NMT1: variants seen among roughly 807,000 people sequenced by gnomAD.
NMT1 encodes the protein N-myristoyltransferase 1.
A neutral mutation model predicts 63.4 loss-of-function variants in NMT1; 12 were observed. That is an observed-to-expected ratio of 0.19 (90% CI 0.12 to 0.31). The LOEUF (loss-of-function observed/expected upper bound fraction) is 0.31, where lower values mean the gene tolerates loss of function less well. NMT1 is among the 10% of genes least tolerant of loss of function. The pLI, the probability that NMT1 is intolerant of heterozygous loss-of-function variation, is 1.00. For missense variants in NMT1, 432 were observed against 634.6 expected (o/e 0.68, Z 3.43); for synonymous variants, 228 against 234.3 (o/e 0.97, Z 0.25).
At chr17:45,100,862 CAAAAAAAAAAAAAAAA>C (rs71136069) in intron 8 of NMT1, among the ~76,000 whole-genome samples, 13 of 32,604 alleles carry the variant, frequency 4.0e-4, no homozygotes, top group East Asian at 1.3e-3. Flanking sequence ...GACTCCGTCT[CAAAAAAAAAAAAAAAA>C]AAAAAAAAAA....
intron 8 of NMT1, among the ~76,000 whole-genome samples, chr17:45,101,277 C>CA (rs1343768942): frequency 1.3e-5 from 2 of 150,840 alleles, no homozygotes; most frequent in African/African-American, 4.8e-5. Context: ...CTCAGCCTCT[C>CA]AAAGTGCTGG....
At chr17:45,102,478 C>G (rs1166673076) in intron 8 of NMT1, among the ~76,000 whole-genome samples, 1 of 152,226 alleles carries the variant, frequency 6.6e-6, no homozygotes, top group Non-Finnish European at 1.5e-5. Context: ...TGGGCAGACC[C>G]TGGCTGGGCC....
rs998731903 is a variant in NMT1 at position 45,106,853 on chromosome 17, T to C, written c.*1214T>C. 2 of 152,766 alleles carry C rather than the reference T, an allele frequency of 1.3e-5. No individual in the cohort carries two copies. The highest frequency in any genetic ancestry group is 4.8e-5 in the African/African-American group (2 of 41,582). The allele number at this position is 152,766 out of a possible 1,614,324, so 9.5% of individuals were successfully genotyped here. ...GAGTCTGATTTTCGCTGATGCTGTTTTGTGGATTTTTGTGGTAGTGATGGT... is the reference window on the plus strand; with the variant it reads ...GAGTCTGATTTTCGCTGATGCTGTTCTGTGGATTTTTGTGGTAGTGATGGT... On this transcript the variant is annotated 3_prime_UTR_variant, in exon 12 of 12. Transcript: ENST00000258960.
rs2269746 is a variant in NMT1, at chr17:45,107,655, C to A, written c.*2016C>A. The A allele has an allele frequency of 0.06, 9,218 of 152,432 alleles. 315 individuals carry two copies. The highest frequency in any genetic ancestry group is 0.12 in the East Asian group (605 of 5,176). 9.4% of individuals were successfully genotyped at this position (152,432 alleles called of 1,614,324 possible). A position where few individuals can be genotyped will look rare whatever the true frequency, so the allele number is the denominator to read the frequency against. Reference sequence around the variant, plus strand: ...CCAAGTCTTTCCTACCTTGGGGGAACCTGGAACTTGGAAAGGCTCCCTGTC... The same window carrying A: ...CCAAGTCTTTCCTACCTTGGGGGAAACTGGAACTTGGAAAGGCTCCCTGTC... On this transcript the variant is annotated 3_prime_UTR_variant, in exon 12 of 12. Coordinates refer to ENST00000258960, the MANE Select transcript of NMT1 (RefSeq NM_021079.5).
chr17:45,067,867 A>G (rs2053912923), intron 1 of NMT1, among the ~76,000 whole-genome samples: 1 of 152,254 alleles, frequency 6.6e-6, no homozygotes, highest in South Asian at 2.1e-4. Flanking sequence ...AGCCTATTTC[A>G]GGGACTCGCT....
intron 4 of NMT1, among the ~76,000 whole-genome samples, chr17:45,095,163 A>G (rs532948137): frequency 4.6e-4 from 67 of 144,640 alleles, no homozygotes; most frequent in African/African-American, 1.5e-3. Flanking sequence ...CTGGAGTGCA[A>G]TGGCACAATC....
intron 3 of NMT1, among the ~76,000 whole-genome samples, chr17:45,091,978 G>A (rs2054091637): frequency 6.6e-6 from 1 of 152,130 alleles, no homozygotes; most frequent in Admixed American, 6.5e-5. Flanking sequence ...CCAAGGTTAC[G>A]CCACTGCATT....
At chr17:45,063,122 G>A (rs575892400) in intron 1 of NMT1, among the ~76,000 whole-genome samples, 6 of 150,300 alleles carry the variant, frequency 4.0e-5, no homozygotes, top group South Asian at 4.2e-4. Context: ...GGAGAATGGC[G>A]TGAACCCAGG....
At chr17:45,075,726 C>A (rs1163494924) in intron 1 of NMT1, among the ~76,000 whole-genome samples, 4 of 151,616 alleles carry the variant, frequency 2.6e-5, no homozygotes, top group Non-Finnish European at 5.9e-5. Flanking sequence ...GCTGAGAACA[C>A]GGCACTGCAC....
Position 45,104,146 on chromosome 17 carries a change from GCCAGGCCTTC to G in NMT1, c.1332+273_1332+282del, listed in dbSNP as rs763506734. The G allele has an allele frequency of 2.4e-5, 33 of 1,352,614 alleles. No individual in the cohort carries two copies. The highest frequency in any genetic ancestry group is 3.0e-5 in the Non-Finnish European group (31 of 1,045,376). The allele number at this position is 1,352,614 out of a possible 1,614,324, so 83.8% of individuals were successfully genotyped here. On this transcript the variant is annotated intron_variant, in intron 10 of 11. Transcript: ENST00000258960. This position sits in a 1 kb window ranked among gnomAD's most constrained non-coding sequence, Gnocchi z 4.2. ...GAGGCGCCACCAAGGAGCCTGAATA[GCCAGGCCTTC>G]CCTGGGAGGACAGGGCTTCTCCTCA...
rs1178702703 is a variant in NMT1, at chr17:45,106,322, G to A, written c.*683G>A. ...CTTTCCTGCAGGGCCAGACCTGCCT[G>A]CATTCTGAGACAAAGCAATGGACGG... On this transcript the variant is annotated 3_prime_UTR_variant, in exon 12 of 12. Coordinates refer to ENST00000258960, the MANE Select transcript of NMT1 (RefSeq NM_021079.5). 6.5e-6 allele frequency: 1 copy of A among 152,678 alleles called. No homozygotes were observed. Among genetic ancestry groups the A allele is most frequent in the Non-Finnish European group, 1.5e-5 (1 of 68,066 alleles). 9.5% of individuals were successfully genotyped at this position (152,678 alleles called of 1,614,324 possible).
At chr17:45,099,560 G>A (rs1465953378) in intron 8 of NMT1, 47 bp downstream of exon 8, 1 of 1,383,968 alleles carries the variant, frequency 7.2e-7, no homozygotes, top group Non-Finnish European at 1.0e-6. Context: ...AGAGGGCAAG[G>A]AGAGCCTGGC....
intron 8 of NMT1, among the ~76,000 whole-genome samples, chr17:45,100,586 G>A (rs1304232178): frequency 6.7e-6 from 1 of 148,878 alleles, no homozygotes; most frequent in Non-Finnish European, 1.5e-5. Context: ...AGAAGCCTGG[G>A]CGTGGTGGCT....
intron 1 of NMT1, among the ~76,000 whole-genome samples, chr17:45,069,338 C>G (rs2053925380): frequency 6.6e-6 from 1 of 151,658 alleles, no homozygotes; most frequent in Non-Finnish European, 1.5e-5. Flanking sequence ...GTTGCCCAGG[C>G]TGGAGTGCAG....
chr17:45,075,844 C>G (rs1226662773), intron 1 of NMT1, among the ~76,000 whole-genome samples: 1 of 151,938 alleles, frequency 6.6e-6, no homozygotes, highest in African/African-American at 2.4e-5. Flanking sequence ...CTGAGGCAGG[C>G]AGATCACCTG....
At chr17:45,086,772 GGTA>G (rs2054057767) in intron 3 of NMT1, 120 bp downstream of exon 3, 7 of 1,096,902 alleles carry the variant, frequency 6.4e-6, no homozygotes, top group Middle Eastern at 3.1e-4. Context: ...GGAGTTCCTT[GGTA>G]GTTGTTTTCA....
chr17:45,065,745 ATAT>A (rs1315296943), intron 1 of NMT1, among the ~76,000 whole-genome samples: 1 of 151,908 alleles, frequency 6.6e-6, no homozygotes, highest in Non-Finnish European at 1.5e-5. Context: ...TTTTGTCTTA[ATAT>A]TATTTAAAAT....
At chr17:45,078,424 A>C (rs1187924045) in intron 1 of NMT1, among the ~76,000 whole-genome samples, 1 of 152,162 alleles carries the variant, frequency 6.6e-6, no homozygotes, top group African/African-American at 2.4e-5. Context: ...AAGAGATAGG[A>C]GAATCTGAAG....
intron 2 of NMT1, among the ~76,000 whole-genome samples, chr17:45,081,982 A>G (rs2054019810): frequency 6.6e-6 from 1 of 152,206 alleles, no homozygotes; most frequent in African/African-American, 2.4e-5. Context: ...CATGGTGCCC[A>G]TCAGAATGGA....
Sources: allele counts gnomAD v4.1 joint callset (sites outside exome capture counted in the v4.1 genomes callset), GRCh38; gene constraint gnomAD v4.1.1; non-coding constraint Gnocchi (gnomAD v3.1); transcripts MANE v1.5; gene names NCBI Gene and HGNC (gene_info 2026-07-23, HGNC 2026-07-21).